SNRNP25: variants seen among roughly 807,000 people sequenced by gnomAD.
The protein encoded by SNRNP25 is U11/U12 small nuclear ribonucleoprotein 25 kDa protein.
In SNRNP25, 21 loss-of-function variants were observed where a neutral mutation model predicts 23.9. The ratio of observed to expected loss-of-function variants is 0.88; its 90% confidence interval spans 0.62 to 1.27. SNRNP25 has a LOEUF of 1.27. Ranked by LOEUF, SNRNP25 falls within the 50% of genes most tolerant of loss-of-function variation. The probability of loss-of-function intolerance (pLI) is 0.00; values close to 1 mark genes in which losing one functional copy is unlikely to be tolerated. For missense variants in SNRNP25, 160 were observed against 156.9 expected (o/e 1.02, Z -0.11); for synonymous variants, 63 against 60.4 (o/e 1.04, Z -0.20).
chr16:56,721 C>T, intron 4 of SNRNP25, 108 bp downstream of exon 4: 1 of 1,231,318 alleles, frequency 8.1e-7, no homozygotes, highest in South Asian at 1.3e-5. Flanking sequence ...ATAACACCCT[C>T]CTCCAAGGAG....
chr16:55,410 G>A (rs373044137), intron 1 of SNRNP25, 49 bp from the exon 2 acceptor site: 52 of 1,540,848 alleles, frequency 3.4e-5, no homozygotes, highest in Non-Finnish European at 4.6e-5. Flanking sequence ...TGTTGCTCAA[G>A]GTGGTAAAGA....
chr16:55,964 A>G lies in SNRNP25; in HGVS notation c.239+82A>G. 5.5e-6 allele frequency: 7 copies of G among 1,267,604 alleles called. 2 individuals carry two copies. In the South Asian group the frequency reaches 7.9e-5, roughly 14 times the overall value. The allele number at this position is 1,267,604 out of a possible 1,614,324, so 78.5% of individuals were successfully genotyped here. ...GGCACTGTCACCAGGCACCACCTGG[A>G]AACAGCTCTCAGCTCTGCATGAGTA... On this transcript the variant is annotated intron_variant, in intron 3 of 4. Transcript: ENST00000293861.
intron 1 of SNRNP25, among the ~76,000 whole-genome samples, chr16:54,294 G>A: frequency 6.6e-6 from 1 of 152,364 alleles, no homozygotes; most frequent in African/African-American, 2.4e-5. Context: ...TAATGTAATT[G>A]TATTTAGGGG....
rs1897398785 is a variant in SNRNP25, at chr16:55,760, T to G, written c.134-17T>G. ...TTCTCACCATGGATCTTCTCCCATC[T>G]GTGTCCGTGGTTGCAGCCGTGGTTG... On this transcript the variant is annotated splice_polypyrimidine_tract_variant and intron_variant, in intron 2 of 4. Transcript: ENST00000293861. 1.9e-6 allele frequency: 3 copies of G among 1,613,266 alleles called. No individual in the cohort carries two copies. Among genetic ancestry groups the G allele is most frequent in the South Asian group, 2.2e-5 (2 of 90,928 alleles).
Position 54,011 on chromosome 16 carries a change from C to G in SNRNP25, c.-6C>G, listed in dbSNP as rs1387462849. The G allele has an allele frequency of 6.2e-7, 1 of 1,610,364 alleles. No individual in the cohort carries two copies. Among genetic ancestry groups the G allele is most frequent in the Admixed American group, 1.7e-5 (1 of 59,736 alleles). On this transcript the variant is annotated 5_prime_UTR_variant, in exon 1 of 5. Transcript: ENST00000293861. ...GGCCATGGACGTGTTCCAGGAGGGT[C>G]TGGCTATGGTGGTGCAGGACCCGCT...
At chr16:55,582 G>T in intron 2 of SNRNP25, 33 bp downstream of exon 2, 2 of 1,610,584 alleles carry the variant, frequency 1.2e-6, no homozygotes, top group Non-Finnish European at 1.7e-6. Flanking sequence ...CAGGTTATGT[G>T]GTCCAGGCTT....
Position 57,090 on chromosome 16 carries a change from G to A in SNRNP25, c.319G>A (p.Gly107Ser), listed in dbSNP as rs555757455. Residue 107 changes from glycine to serine, a missense_variant, in exon 5 of 5, where the codon GGC (glycine) becomes AGC (serine). Transcript: ENST00000293861. ...ATGCCTTTCCTTCTTTTTCAGCTAC[G>A]GCATCCGGAATCGAGACGAGGTTTC... is the stretch of plus-strand genomic sequence containing the variant. ...TEDRKKLRDY[G>S]IRNRDEVSFI... 5.0e-6 allele frequency: 8 copies of A among 1,614,038 alleles called. No individual in the cohort carries two copies. The South Asian group carries it at 7.7e-5, about 16-fold the overall frequency.
intron 4 of SNRNP25, among the ~76,000 whole-genome samples, chr16:56,833 G>A (rs894412206): frequency 6.6e-6 from 1 of 152,250 alleles, no homozygotes; most frequent in South Asian, 2.1e-4. Flanking sequence ...ACAGTGCCAG[G>A]AGGGAGGAAA....
At chr16:54,592 C>T (rs1220050915) in intron 1 of SNRNP25, among the ~76,000 whole-genome samples, 1 of 151,736 alleles carries the variant, frequency 6.6e-6, no homozygotes, top group Non-Finnish European at 1.5e-5. Flanking sequence ...AAAGAGCCTA[C>T]GGTAAAAGAA....
chr16:53,949 A>G lies in SNRNP25; in HGVS notation c.-68A>G. The G allele has an allele frequency of 1.3e-6, 2 of 1,589,100 alleles. No individual in the cohort carries two copies. The highest frequency in any genetic ancestry group is 1.1e-5 in the South Asian group (1 of 87,450). On this transcript the variant is annotated 5_prime_UTR_variant, in exon 1 of 5. Transcript: ENST00000293861. ...GCGGGTGGGCCCGAGGCGCAAGAGG[A>G]AGATGAGGACGAAGAAGAGGCGCTG...
intron 3 of SNRNP25, 99 bp downstream of exon 3, chr16:55,981 G>C (rs1025921312): frequency 1.6e-5 from 17 of 1,044,884 alleles, no homozygotes; most frequent in Non-Finnish European, 2.4e-5. Context: ...TCTCAGCTCT[G>C]CATGAGTACA....
chr16:56,737 T>C (rs1391423873), intron 4 of SNRNP25, 124 bp downstream of exon 4: 1 of 1,041,146 alleles, frequency 9.6e-7, no homozygotes, highest in Non-Finnish European at 1.4e-6. Context: ...AGGAGCTTCC[T>C]TGGGGCCCTC....
chr16:55,444 C>T lies in SNRNP25; in HGVS notation c.43-15C>T, dbSNP rs2541594. Reference sequence around the variant, plus strand: ...GAGAGCCAGGGTTCCCACTTCTGCCCTTGGTCTTTTGTAGGTTACTCTGGA... The same window carrying T: ...GAGAGCCAGGGTTCCCACTTCTGCCTTTGGTCTTTTGTAGGTTACTCTGGA... On this transcript the variant is annotated splice_polypyrimidine_tract_variant and intron_variant, in intron 1 of 4. Coordinates refer to ENST00000293861, the MANE Select transcript of SNRNP25 (RefSeq NM_024571.4). 1,072,144 of 1,612,472 alleles carry T rather than the reference C, an allele frequency of 0.66. 360,379 individuals are homozygous for T. The highest frequency in any genetic ancestry group is 0.69 in the Non-Finnish European group (810,247 of 1,178,854).
Position 53,836 on chromosome 16 carries a change from T to G in SNRNP25, c.-181T>G. On this transcript the variant is annotated 5_prime_UTR_variant, in exon 1 of 5. Transcript: ENST00000293861. ...CCTCGCTGGGGCGGGCCGCAGTTCC[T>G]GCGCGTGCGCGCTTGGCCTCCCTAG... 7.3e-7 allele frequency: 1 copy of G among 1,365,506 alleles called. No homozygotes were observed. The highest frequency in any genetic ancestry group is 2.7e-5 in the East Asian group (1 of 37,394). 84.6% of individuals were successfully genotyped at this position (1,365,506 alleles called of 1,614,324 possible).
chr16:54,649 A>C (rs1356775058), intron 1 of SNRNP25, among the ~76,000 whole-genome samples: 1 of 152,158 alleles, frequency 6.6e-6, no homozygotes, highest in Admixed American at 6.5e-5. Context: ...TGATTGTTCC[A>C]TTTGCCTCAA....
chr16:54,830 C>T (rs1202130771), intron 1 of SNRNP25: 1 of 153,300 alleles, frequency 6.5e-6, no homozygotes, highest in African/African-American at 2.4e-5. Flanking sequence ...CAGGCACGCG[C>T]CACCACGCCC....
At chr16:54,165 GA>G in intron 1 of SNRNP25, 107 bp downstream of exon 1, 4 of 1,274,108 alleles carry the variant, frequency 3.1e-6, no homozygotes, top group Non-Finnish European at 4.4e-6. Context: ...GCCCAAGGCT[GA>G]GGAAGGCGCC....
rs781105327 is a variant in SNRNP25, at chr16:55,838, G to A, written c.195G>A (p.Val65=). 3.1e-6 allele frequency: 5 copies of A among 1,614,178 alleles called. No individual in the cohort carries two copies. The highest frequency in any genetic ancestry group is 4.2e-6 in the Non-Finnish European group (5 of 1,180,018). Residue 65 remains valine, a synonymous_variant, in exon 3 of 5, where the codon GTG becomes GTA. Transcript: ENST00000293861. ...LDLKKAIQRY[V]QLKQEREGGI... is the part of the protein sequence containing the mutation. The stretch of plus-strand genomic sequence containing the variant: ...TGAAGAAGGCCATCCAGAGATACGT[G>A]CAGCTCAAGCAGGAGCGTGAAGGGG...
rs1484378015 is a variant in SNRNP25 at position 53,927 on chromosome 16, G to T, written c.-90G>T. On this transcript the variant is annotated 5_prime_UTR_variant, in exon 1 of 5. Coordinates refer to ENST00000293861, the MANE Select transcript of SNRNP25 (RefSeq NM_024571.4). ...GGCCCTGGAGGAGACGGAGGCCGCG[G>T]GTGGGCCCGAGGCGCAAGAGGAAGA... is the stretch of plus-strand genomic sequence containing the variant. 4 of 1,557,190 alleles carry T rather than the reference G, an allele frequency of 2.6e-6. No individual in the cohort carries two copies. The highest frequency in any genetic ancestry group is 4.7e-5 in the East Asian group (2 of 42,340).
Sources: gnomAD v4.1 joint callset for allele counts (sites outside exome capture counted in the v4.1 genomes callset) on GRCh38, gnomAD v4.1.1 for gene constraint, MANE v1.5 for transcripts, NCBI Gene and HGNC (gene_info 2026-07-23, HGNC 2026-07-21) for gene names.